Variants in PCP4 observed in about 807,000 individuals in gnomAD.
The protein encoded by PCP4 is Purkinje cell protein 4, also known as calmodulin regulator protein PCP4.
PCP4 carries 8 observed loss-of-function variants against 10.0 expected under a neutral mutation model. The ratio of observed to expected loss-of-function variants is 0.80; its 90% confidence interval spans 0.47 to 1.45. The LOEUF is 1.45. PCP4 is among the 40% of genes most tolerant of loss of function. The probability of loss-of-function intolerance (pLI) is 0.00; values close to 1 mark genes in which losing one functional copy is unlikely to be tolerated. For missense variants in PCP4, 54 were observed against 74.4 expected (o/e 0.73, Z 1.01); for synonymous variants, 21 against 23.0 (o/e 0.91, Z 0.24).
At chr21:39,868,048 T>C (rs2146321743) in intron 1 of PCP4, among the ~76,000 whole-genome samples, 1 of 152,322 alleles carries the variant, frequency 6.6e-6, no homozygotes, top group South Asian at 2.1e-4. Flanking sequence ...TCCGTGTGTA[T>C]AGATCTGTGG....
chr21:39,914,781 A>G (rs2087560684), intron 2 of PCP4, among the ~76,000 whole-genome samples: 1 of 152,090 alleles, frequency 6.6e-6, no homozygotes, highest in African/African-American at 2.4e-5. Context: ...AACTGTATGA[A>G]ATTCTCTATG....
At chr21:39,893,443 C>T (rs559267000) in intron 1 of PCP4, among the ~76,000 whole-genome samples, 1 of 152,208 alleles carries the variant, frequency 6.6e-6, no homozygotes, top group Admixed American at 6.5e-5. Context: ...TTCTGAAGCA[C>T]TCTACTTTTA....
intron 1 of PCP4, among the ~76,000 whole-genome samples, chr21:39,871,681 A>T (rs953285094): frequency 2.7e-5 from 4 of 147,578 alleles, no homozygotes; most frequent in Non-Finnish European, 4.6e-5. Context: ...AACTTTTCCT[A>T]ATAGAGAAGA....
At chr21:39,924,217 C>T (rs909482326) in intron 2 of PCP4, among the ~76,000 whole-genome samples, 1 of 152,208 alleles carries the variant, frequency 6.6e-6, no homozygotes, top group African/African-American at 2.4e-5. Flanking sequence ...TCTGGCCACG[C>T]CATGCCCAGT....
At chr21:39,903,502 C>T (rs891966137) in intron 2 of PCP4, among the ~76,000 whole-genome samples, 6 of 152,136 alleles carry the variant, frequency 3.9e-5, no homozygotes, top group African/African-American at 1.4e-4. Context: ...TACCTGTGCC[C>T]CTTCCTTGGG....
chr21:39,869,790 T>C (rs567536301), intron 1 of PCP4, among the ~76,000 whole-genome samples: 16 of 152,332 alleles, frequency 1.1e-4, no homozygotes, highest in Admixed American at 2.0e-4. Flanking sequence ...GGGGTTTCTT[T>C]GGTTGGATGA....
At chr21:39,894,078 G>A (rs2087446242) in intron 1 of PCP4, among the ~76,000 whole-genome samples, 1 of 152,184 alleles carries the variant, frequency 6.6e-6, no homozygotes, top group Non-Finnish European at 1.5e-5. Flanking sequence ...GAAGTCATTA[G>A]GGTGGGTGTC....
intron 1 of PCP4, among the ~76,000 whole-genome samples, chr21:39,887,292 G>T (rs367664550): frequency 1.3e-4 from 19 of 151,474 alleles, no homozygotes; most frequent in African/African-American, 4.4e-4. Context: ...AATTAGAAAG[G>T]TTAATGCCTT....
intron 2 of PCP4, among the ~76,000 whole-genome samples, chr21:39,925,619 G>T (rs1042584458): frequency 7.9e-5 from 12 of 152,178 alleles, no homozygotes; most frequent in African/African-American, 2.9e-4. Context: ...GGGGTGTGGC[G>T]TGCCCCTAGG....
chr21:39,905,270 AC>A (rs2036321810), intron 2 of PCP4, among the ~76,000 whole-genome samples: 1 of 152,098 alleles, frequency 6.6e-6, no homozygotes, highest in African/African-American at 2.4e-5. Context: ...AAAAATCAAA[AC>A]AAAAGTGACT....
At chr21:39,895,734 C>T (rs2087453859) in intron 1 of PCP4, among the ~76,000 whole-genome samples, 1 of 152,320 alleles carries the variant, frequency 6.6e-6, no homozygotes, top group Non-Finnish European at 1.5e-5. Flanking sequence ...CCCTTGAAGC[C>T]TGGCCCCAGC....
chr21:39,924,389 C>T (rs906962949), intron 2 of PCP4, among the ~76,000 whole-genome samples: 11 of 152,262 alleles, frequency 7.2e-5, no homozygotes, highest in African/African-American at 2.6e-4. Context: ...GAGGCAATCC[C>T]CAAATTCAGA....
At chr21:39,894,008 C>T (rs371554059) in intron 1 of PCP4, among the ~76,000 whole-genome samples, 4 of 152,046 alleles carry the variant, frequency 2.6e-5, no homozygotes, top group Non-Finnish European at 4.4e-5. Context: ...AGGAAGATGC[C>T]GTGTCTGCAT....
chr21:39,910,419 C>CT (rs926309163), intron 2 of PCP4, among the ~76,000 whole-genome samples: 119 of 152,204 alleles, frequency 7.8e-4, no homozygotes, highest in African/African-American at 2.7e-3. Flanking sequence ...AAACATAAAG[C>CT]TTTTGGCAGT....
chr21:39,912,626 C>T (rs1189779247), intron 2 of PCP4, among the ~76,000 whole-genome samples: 1 of 152,134 alleles, frequency 6.6e-6, no homozygotes, highest in Non-Finnish European at 1.5e-5. Context: ...AGCTTCAGAA[C>T]TTTTCACAAC....
rs977804763 is a variant in PCP4, at chr21:39,920,839, C to T, written c.62-8145C>T. 4.6e-5 allele frequency among the ~76,000 whole-genome samples: 7 copies of T among 152,288 alleles called. No homozygotes were observed. In the East Asian group the frequency reaches 5.8e-4, roughly 13 times the overall value. On this transcript the variant is annotated intron_variant, in intron 2 of 2. Coordinates refer to ENST00000328619, the MANE Select transcript of PCP4 (RefSeq NM_006198.3). ...TTTTTCTGGAAGTGCTATTTCCCACCATCCGTGAAGAGCCCTGGCTGCCGC... is the reference window on the plus strand; with the variant it reads ...TTTTTCTGGAAGTGCTATTTCCCACTATCCGTGAAGAGCCCTGGCTGCCGC...
At chr21:39,899,450 C>T (rs565024297) in intron 2 of PCP4, among the ~76,000 whole-genome samples, 1 of 152,212 alleles carries the variant, frequency 6.6e-6, no homozygotes, top group African/African-American at 2.4e-5. Flanking sequence ...GTTAAAATTC[C>T]CTGGGGCCTC....
chr21:39,924,460 T>C (rs961959636), intron 2 of PCP4, among the ~76,000 whole-genome samples: 1 of 152,074 alleles, frequency 6.6e-6, no homozygotes, highest in South Asian at 2.1e-4. Context: ...GGAGAGTATC[T>C]AGGTGTGAGG....
rs1470420501 is a variant in PCP4, at chr21:39,906,537, C to T, written c.61+8010C>T. Among the ~76,000 whole-genome samples, 15 of 147,704 alleles carry T rather than the reference C, an allele frequency of 1.0e-4. No homozygotes were observed. The highest frequency in any genetic ancestry group is 3.2e-4 in the African/African-American group (12 of 37,400). On this transcript the variant is annotated intron_variant, in intron 2 of 2. Coordinates refer to ENST00000328619, the MANE Select transcript of PCP4 (RefSeq NM_006198.3). This position sits in a 1 kb window ranked among gnomAD's most constrained non-coding sequence, Gnocchi z 6.3. ...TCTTCCTCACCCTTTCTCTTTCTCC[C>T]TCCTTCCTTCCTTCCGCTCCTCCTT... is the stretch of plus-strand genomic sequence containing the variant.
Sources: gnomAD v4.1 joint callset for allele counts (sites outside exome capture counted in the v4.1 genomes callset) on GRCh38, gnomAD v4.1.1 for gene constraint, Gnocchi (gnomAD v3.1) non-coding constraint, MANE v1.5 for transcripts, NCBI Gene and HGNC (gene_info 2026-07-23, HGNC 2026-07-21) for gene names.